LIPC: variants seen among roughly 807,000 people sequenced by gnomAD.
The protein encoded by LIPC is lipase C, hepatic type, also known as hepatic triacylglycerol lipase.
LIPC carries 44 observed loss-of-function variants against 50.7 expected under a neutral mutation model. The ratio of observed to expected loss-of-function variants is 0.87; its 90% CI spans 0.68 to 1.11. LIPC has a LOEUF of 1.11. LIPC is among the 50% of genes most tolerant of loss of function. The pLI is 0.00. For missense variants in LIPC, 697 were observed against 648.2 expected (o/e 1.08, Z -0.82); for synonymous variants, 271 against 256.4 (o/e 1.06, Z -0.54).
intron 1 of LIPC, among the ~76,000 whole-genome samples, chr15:58,509,352 A>C (rs1268005987): frequency 6.6e-6 from 1 of 152,162 alleles, no homozygotes; most frequent in East Asian, 1.9e-4. Context: ...TCAGCATAGA[A>C]TGGTTGGAAA....
At chr15:58,535,220 C>G (rs982816356) in intron 1 of LIPC, among the ~76,000 whole-genome samples, 1 of 152,224 alleles carries the variant, frequency 6.6e-6, no homozygotes, top group African/African-American at 2.4e-5. Context: ...AAGCTTGCAT[C>G]CCCCACCCCA....
intron 1 of LIPC, chr15:58,533,301 T>A (rs1369965551): frequency 6.2e-6 from 2 of 322,254 alleles, no homozygotes; most frequent in Non-Finnish European, 8.9e-6. Flanking sequence ...CAGGTTTAAA[T>A]GAGTCAATAC....
intron 1 of LIPC, among the ~76,000 whole-genome samples, chr15:58,501,520 G>A (rs974205035): frequency 1.8e-4 from 27 of 152,046 alleles, no homozygotes; most frequent in African/African-American, 6.5e-4. Flanking sequence ...AGAAATCATA[G>A]TTGATGATGG....
At chr15:58,534,741 A>T (rs1224930050) in intron 1 of LIPC, among the ~76,000 whole-genome samples, 4 of 152,220 alleles carry the variant, frequency 2.6e-5, no homozygotes, top group Admixed American at 2.0e-4. Flanking sequence ...AGAAGCTCAG[A>T]AAAAAATCTG....
chr15:58,432,117 C>G lies in LIPC; in HGVS notation c.85C>G (p.Pro29Ala), dbSNP rs1172048757. The change falls in exon 1 of 9, where the codon CCA becomes GCA. Residue 29 changes from proline (P) to alanine (A), a missense_variant. Coordinates refer to ENST00000299022, the MANE Select transcript of LIPC (RefSeq NM_000236.3). ...AAGTGCCCTTGGACAAAGCCTGAAA[C>G]CAGGTAAGAGCCTGACTTTTCTCCA... is the stretch of plus-strand genomic sequence containing the variant. ...QSSALGQSLK[P>A]EPFGRRAQAV... 1 of 1,610,054 alleles carries G rather than the reference C, an allele frequency of 6.2e-7. No homozygotes were observed. The highest frequency in any genetic ancestry group is 8.5e-7 in the Non-Finnish European group (1 of 1,176,380).
intron 1 of LIPC, among the ~76,000 whole-genome samples, chr15:58,525,979 C>G (rs142706943): frequency 6.6e-6 from 1 of 152,330 alleles, no homozygotes; most frequent in East Asian, 1.9e-4. Context: ...TCACTTACAA[C>G]CCCATGAGGA....
At chr15:58,470,221 C>T (rs952404316) in intron 1 of LIPC, among the ~76,000 whole-genome samples, 1 of 152,078 alleles carries the variant, frequency 6.6e-6, no homozygotes, top group Non-Finnish European at 1.5e-5. Flanking sequence ...CATGAGTCAC[C>T]GCACCCAGCT....
chr15:58,467,746 G>C (rs930191078), intron 1 of LIPC, among the ~76,000 whole-genome samples: 2 of 152,170 alleles, frequency 1.3e-5, no homozygotes, highest in Non-Finnish European at 2.9e-5. Context: ...ATCTGAATTG[G>C]TATTTGCTCA....
chr15:58,451,852 G>A (rs539638445), intron 1 of LIPC, among the ~76,000 whole-genome samples: 4 of 152,262 alleles, frequency 2.6e-5, no homozygotes, highest in South Asian at 4.2e-4. Context: ...CTTGCTCCCC[G>A]CTAGAAGGTG....
Position 58,541,950 on chromosome 15 carries a change from C to T in LIPC, c.439C>T (p.Leu147Phe), listed in dbSNP as rs1198482131. The T allele has an allele frequency of 6.2e-7, 1 of 1,610,284 alleles. No homozygotes were observed. Among genetic ancestry groups the T allele is most frequent in the Non-Finnish European group, 8.5e-7 (1 of 1,179,482 alleles). ...CCTTGTGGGCAAGGAGGTCGCGGCT[C>T]TTCTCCGGTGGCTGGAGGTACCGAC... Reference protein sequence around the residue: ...TRLVGKEVAALLRWLEESVQL... With the variant: ...TRLVGKEVAAFLRWLEESVQL... Residue 147 changes from leucine to phenylalanine, a missense_variant, in exon 3 of 9, where the codon CTT becomes TTT. Leu to Phe is a conservative substitution (Grantham distance 22, BLOSUM62 0). Coordinates refer to ENST00000299022, the MANE Select transcript of LIPC (RefSeq NM_000236.3).
At chr15:58,463,179 C>T (rs566371576) in intron 1 of LIPC, among the ~76,000 whole-genome samples, 19 of 152,324 alleles carry the variant, frequency 1.2e-4, no homozygotes, top group South Asian at 2.1e-4. Flanking sequence ...GTTTGCCTTC[C>T]GGCCTGACTG....
chr15:58,514,150 C>G (rs1454427889), intron 1 of LIPC, among the ~76,000 whole-genome samples: 1 of 152,184 alleles, frequency 6.6e-6, no homozygotes, highest in Non-Finnish European at 1.5e-5. Flanking sequence ...ACTAAAGGAG[C>G]CAGAACACCT....
chr15:58,569,126 TCTTTTATAATTAAGTTTCCCACATGTC>T lies in LIPC; in HGVS notation c.*303_*329del, dbSNP rs1894479261. 1.1e-4 allele frequency: 23 copies of T among 213,826 alleles called. No individual in the cohort carries two copies. In the South Asian group the frequency reaches 2.1e-3, roughly 20 times the overall value. The allele number at this position is 213,826 out of a possible 1,614,324, so 13.2% of individuals were successfully genotyped here. On this transcript the variant is annotated 3_prime_UTR_variant, in exon 9 of 9. Transcript: ENST00000299022. Reference sequence around the variant, plus strand: ...AGATCTGTTGTTCTAATTTACAATGTCTTTTATAATTAAGTTTCCCACATGTCCTTGCTAGTTTATTATGACCCATTT... The same window carrying T: ...AGATCTGTTGTTCTAATTTACAATGTCTTGCTAGTTTATTATGACCCATTT...
chr15:58,476,539 T>A (rs1401808184), intron 1 of LIPC, among the ~76,000 whole-genome samples: 2 of 152,174 alleles, frequency 1.3e-5, no homozygotes, highest in African/African-American at 2.4e-5. Flanking sequence ...CCATTTTAGT[T>A]ACTCACATGG....
chr15:58,488,183 A>C (rs762158888), intron 1 of LIPC, among the ~76,000 whole-genome samples: 1 of 152,226 alleles, frequency 6.6e-6, no homozygotes, highest in Non-Finnish European at 1.5e-5. Flanking sequence ...AGGCAGGAGG[A>C]TGGCTTGAAT....
chr15:58,565,112 G>A, intron 8 of LIPC: 1 of 1,341,778 alleles, frequency 7.5e-7, no homozygotes, highest in East Asian at 2.5e-5. Context: ...CGCACTCTGA[G>A]ATTTTATCTC....
At chr15:58,450,089 A>G (rs1893847786) in intron 1 of LIPC, among the ~76,000 whole-genome samples, 1 of 152,220 alleles carries the variant, frequency 6.6e-6, no homozygotes, top group Non-Finnish European at 1.5e-5. Context: ...GACACCACTC[A>G]TATATGATCT....
At chr15:58,472,495 G>A (rs1890846403) in intron 1 of LIPC, among the ~76,000 whole-genome samples, 1 of 149,566 alleles carries the variant, frequency 6.7e-6, no homozygotes, top group African/African-American at 2.5e-5. Context: ...CGAATCACTT[G>A]ATCCTGGGAG....
At chr15:58,460,814 T>G (rs796425387) in intron 1 of LIPC, among the ~76,000 whole-genome samples, 3 of 152,300 alleles carry the variant, frequency 2.0e-5, no homozygotes, top group African/African-American at 7.2e-5. Flanking sequence ...GACCCAGAGC[T>G]CAGGAACAGA....
Sources: allele counts gnomAD v4.1 joint callset (sites outside exome capture counted in the v4.1 genomes callset), GRCh38; gene constraint gnomAD v4.1.1; transcripts MANE v1.5; gene names NCBI Gene and HGNC (gene_info 2026-07-23, HGNC 2026-07-21).